Variants in PHACTR2 observed in about 807,000 individuals in gnomAD.
PHACTR2 encodes the protein phosphatase and actin regulator 2.
Under a neutral mutation model 76.0 loss-of-function variants are expected in PHACTR2, and 30 were observed. That is an observed-to-expected ratio of 0.39 (90% CI 0.30 to 0.54). The LOEUF is 0.54. Ranked by LOEUF, PHACTR2 falls within the 20% of genes least tolerant of loss-of-function variation. The pLI is 0.61. For synonymous variants in PHACTR2, 292 were observed against 292.5 expected (o/e 1.00, Z 0.02); for missense variants, 696 against 781.1 (o/e 0.89, Z 1.30).
intron 2 of PHACTR2, among the ~76,000 whole-genome samples, chr6:143,747,213 T>C (rs1779085722): frequency 6.6e-6 from 1 of 152,200 alleles, no homozygotes; most frequent in Admixed American, 6.5e-5. Context: ...GTGTCAAATA[T>C]CCAGTTTTAC....
intron 1 of PHACTR2, among the ~76,000 whole-genome samples, chr6:143,704,444 G>A (rs779291826): frequency 4.6e-5 from 7 of 152,082 alleles, no homozygotes; most frequent in African/African-American, 9.7e-5. Flanking sequence ...AGTAGGCACC[G>A]AGGCCCCTTC....
rs773202916 is a variant in PHACTR2, at chr6:143,765,735, C to T, written c.1169C>T (p.Pro390Leu). The T allele has an allele frequency of 2.2e-5, 36 of 1,614,008 alleles. No homozygotes were observed. The Middle Eastern group carries it at 9.9e-4, about 44-fold the overall frequency. Residue 390 changes from proline (P) to leucine (L), a missense_variant, in exon 6 of 13, where the codon CCG becomes CTG. Pro to Leu is a moderately conservative substitution (Grantham distance 98). Around this residue, in one of 2 missense-constraint regions of PHACTR2, gnomAD observed 236 missense variants for 330.2 expected, o/e 0.71. Coordinates refer to ENST00000440869, the MANE Select transcript of PHACTR2 (RefSeq NM_001100164.2). The surrounding 1 kb of genome is among the most constrained non-coding windows in gnomAD (Gnocchi z 4.1). ...DPSQLLWAEE[P>L]TNRTTLYSGT... ...AGTCAGCTTCTTTGGGCTGAAGAGC[C>T]GACGAACAGAACCACTCTCTACTCA...
At chr6:143,643,003 C>G (rs1291756757) in intron 1 of PHACTR2, among the ~76,000 whole-genome samples, 1 of 152,070 alleles carries the variant, frequency 6.6e-6, no homozygotes. Context: ...ACTAAGATAG[C>G]TCATGAAAAT....
chr6:143,643,421 T>G (rs1373456584), intron 1 of PHACTR2, among the ~76,000 whole-genome samples: 1 of 152,202 alleles, frequency 6.6e-6, no homozygotes, highest in Non-Finnish European at 1.5e-5. Context: ...GTAATTAATA[T>G]TTGCATTTAA....
At chr6:143,707,817 G>T (rs1263013180) in intron 1 of PHACTR2, among the ~76,000 whole-genome samples, 2 of 152,182 alleles carry the variant, frequency 1.3e-5, no homozygotes, top group Non-Finnish European at 2.9e-5. Context: ...CTGCAGGCCA[G>T]CTTCTGCTTA....
At chr6:143,622,203 A>G (rs1032611932) in intron 1 of PHACTR2, among the ~76,000 whole-genome samples, 3 of 152,064 alleles carry the variant, frequency 2.0e-5, no homozygotes, top group Non-Finnish European at 2.9e-5. Context: ...CTCATCATCC[A>G]ATTTAGAAAT....
In PHACTR2 at chr6:143,793,319, T is replaced by C. The variant is rs950576664; in HGVS notation, c.1845+4409T>C. On this transcript the variant is annotated intron_variant, in intron 11 of 12. Transcript: ENST00000440869. The surrounding 1 kb of genome is among the most constrained non-coding windows in gnomAD (Gnocchi z 4.4). The stretch of plus-strand genomic sequence containing the variant: ...AAAATGGGATTTTGTTCTGGACTTC[T>C]AGGTTGCAGGGGAAAGGTACATGAC... Among the ~76,000 whole-genome samples the C allele has an allele frequency of 2.0e-5, 3 of 152,150 alleles. No individual in the cohort carries two copies. The highest frequency in any genetic ancestry group is 7.2e-5 in the African/African-American group (3 of 41,434).
chr6:143,585,257 A>G lies in PHACTR2; in HGVS notation c.217+48050A>G, dbSNP rs901649643. ...TGGAGGAAGGGAATTTGAGGTAGAG[A>G]AGGTGTTGGAAACCCAGCTAAGAAG... On this transcript the variant is annotated intron_variant, in intron 1 of 11. Transcript: ENST00000367584. This position sits in a 1 kb window ranked among gnomAD's most constrained non-coding sequence, Gnocchi z 5.2. 3.3e-5 allele frequency among the ~76,000 whole-genome samples: 5 copies of G among 152,184 alleles called. No individual in the cohort carries two copies. Among genetic ancestry groups the G allele is most frequent in the African/African-American group, 1.2e-4 (5 of 41,520 alleles).
At chr6:143,724,205 G>C (rs757234783) in intron 2 of PHACTR2, among the ~76,000 whole-genome samples, 1 of 151,884 alleles carries the variant, frequency 6.6e-6, no homozygotes, top group Non-Finnish European at 1.5e-5. Flanking sequence ...GCACGATCTC[G>C]GCTCACCGCA....
upstream of PHACTR2, chr6:143,677,909 C>G (rs1376212223): frequency 6.9e-6 from 4 of 578,364 alleles, no homozygotes; most frequent in African/African-American, 2.0e-5. Context: ...GCCCTCACCC[C>G]CCTTCTTCCC....
chr6:143,582,509 C>T, intron 1 of PHACTR2, among the ~76,000 whole-genome samples: 1 of 151,768 alleles, frequency 6.6e-6, no homozygotes, highest in Non-Finnish European at 1.5e-5. Flanking sequence ...TTTATTCCTG[C>T]AACTTTTTTC....
At chr6:143,792,547 T>A (rs1775715410) in intron 11 of PHACTR2, among the ~76,000 whole-genome samples, 1 of 152,160 alleles carries the variant, frequency 6.6e-6, no homozygotes. Flanking sequence ...TTTTATATCT[T>A]ACAGATTTTG....
In PHACTR2 at chr6:143,624,585, G is replaced by A. The variant is rs564203884; in HGVS notation, c.13+16263G>A. Among the ~76,000 whole-genome samples the A allele has an allele frequency of 2.9e-3, 438 of 152,212 alleles. 2 individuals are homozygous for A. Among genetic ancestry groups the A allele is most frequent in the Non-Finnish European group, 4.3e-3 (293 of 68,022 alleles). On this transcript the variant is annotated intron_variant, in intron 1 of 11. Coordinates refer to the PHACTR2 transcript ENST00000305766. This position sits in a 1 kb window ranked among gnomAD's most constrained non-coding sequence, Gnocchi z 4.6. Reference sequence around the variant, plus strand: ...ATCACCACTCTTTTTTAATGTTGTGGGAAGCAGTTTATTTTCATGGTATGC... The same window carrying A: ...ATCACCACTCTTTTTTAATGTTGTGAGAAGCAGTTTATTTTCATGGTATGC...
intron 1 of PHACTR2, among the ~76,000 whole-genome samples, chr6:143,568,031 C>A (rs902402740): frequency 2.0e-5 from 3 of 152,160 alleles, no homozygotes; most frequent in African/African-American, 7.2e-5. Flanking sequence ...CAATTTTACC[C>A]TTTCTAAATT....
chr6:143,631,587 A>G (rs754142019), intron 1 of PHACTR2, among the ~76,000 whole-genome samples: 15 of 152,060 alleles, frequency 9.9e-5, no homozygotes, highest in Non-Finnish European at 1.8e-4. Context: ...TATTAAATTG[A>G]ATGGAAGACT....
rs12191485 is a variant in PHACTR2 at position 143,592,907 on chromosome 6, A to G, written c.217+55700A>G. 0.43 allele frequency among the ~76,000 whole-genome samples: 64,726 copies of G among 151,614 alleles called. 14,132 individuals are homozygous for G. The highest frequency in any genetic ancestry group is 0.46 in the African/African-American group (19,164 of 41,304). ...ACAAAAAATAAAAAAAAATAGCCGGACATGGTGACACACATCCCAGCTACT... is the reference window on the plus strand; with the variant it reads ...ACAAAAAATAAAAAAAAATAGCCGGGCATGGTGACACACATCCCAGCTACT... On this transcript the variant is annotated intron_variant, in intron 1 of 11. Transcript: ENST00000367584. This position sits in a 1 kb window ranked among gnomAD's most constrained non-coding sequence, Gnocchi z 4.0.
At chr6:143,674,005 A>G (rs6907410), upstream of PHACTR2, among the ~76,000 whole-genome samples, 24,652 of 152,146 alleles carry the variant, frequency 0.16, 2,140 homozygotes, top group East Asian at 0.35. The surrounding 1 kb of genome is among the most constrained non-coding windows in gnomAD (Gnocchi z 4.9). Flanking sequence ...GATGCTTAAT[A>G]TAACTAGAAT....
chr6:143,761,162 G>C lies in PHACTR2; in HGVS notation c.694+522G>C, dbSNP rs185447431. 4.8e-4 allele frequency among the ~76,000 whole-genome samples: 73 copies of C among 152,248 alleles called. No individual in the cohort carries two copies. In the East Asian group the frequency reaches 0.013, roughly 27 times the overall value. On this transcript the variant is annotated intron_variant, in intron 5 of 12. Coordinates refer to ENST00000440869, the MANE Select transcript of PHACTR2 (RefSeq NM_001100164.2). This position sits in a 1 kb window ranked among gnomAD's most constrained non-coding sequence, Gnocchi z 5.2. ...CAAAGGGTTCATGTCACTTGTTTCA[G>C]CTCCACCCCACCACTTTCTACTGCA...
In PHACTR2 at chr6:143,621,537, A is replaced by G. The variant is rs1337589766; in HGVS notation, c.13+13215A>G. Among the ~76,000 whole-genome samples the G allele has an allele frequency of 6.6e-6, 1 of 152,128 alleles. No homozygotes were observed. Among genetic ancestry groups the G allele is most frequent in the Admixed American group, 6.5e-5 (1 of 15,282 alleles). ...AAATTGCAACTCTTTCTTATATTTA[A>G]TCACATTTACTGGCTTTCTCAAATT... On this transcript the variant is annotated intron_variant, in intron 1 of 11. Coordinates refer to the PHACTR2 transcript ENST00000305766. The surrounding 1 kb of genome is among the most constrained non-coding windows in gnomAD (Gnocchi z 4.1).
Sources: gnomAD v4.1 joint callset for allele counts (sites outside exome capture counted in the v4.1 genomes callset) on GRCh38, gnomAD v4.1.1 for gene constraint, gnomAD v4.1.1 regional missense constraint, Gnocchi (gnomAD v3.1) non-coding constraint, MANE v1.5 for transcripts, NCBI Gene and HGNC (gene_info 2026-07-23, HGNC 2026-07-21) for gene names.